Variants in DAPK1 observed in about 807,000 individuals in gnomAD.
DAPK1 encodes death associated protein kinase 1.
In DAPK1, 56 loss-of-function variants were observed where a neutral mutation model predicts 144.9. That is an observed-to-expected ratio of 0.39 (90% CI 0.31 to 0.48). The LOEUF (loss-of-function observed/expected upper bound fraction) is 0.48, where lower values mean the gene tolerates loss of function less well. Among genes scored for constraint, DAPK1 ranks in the 20% least tolerant of loss-of-function variants. The pLI, the probability that DAPK1 is intolerant of heterozygous loss-of-function variation, is 0.95. For synonymous variants in DAPK1, 690 were observed against 749.0 expected (o/e 0.92, Z 1.29); for missense variants, 1,454 against 1,875.4 (o/e 0.78, Z 4.15).
chr9:87,650,681 G>T (rs538970714), intron 16 of DAPK1, among the ~76,000 whole-genome samples: 24 of 152,316 alleles, frequency 1.6e-4, no homozygotes, highest in African/African-American at 5.1e-4. Flanking sequence ...TCTGCCCTTT[G>T]TGAAGTTATT....
chr9:87,650,410 C>T (rs1471815376), intron 16 of DAPK1: 10 of 330,022 alleles, frequency 3.0e-5, no homozygotes, highest in Non-Finnish European at 4.5e-5. Flanking sequence ...TCACTGAATC[C>T]GAGACAATTC....
intron 19 of DAPK1, among the ~76,000 whole-genome samples, chr9:87,681,160 C>G (rs190422223): frequency 6.6e-6 from 1 of 152,046 alleles, no homozygotes; most frequent in African/African-American, 2.4e-5. Context: ...TGCCTGTAAT[C>G]CCAGCTACTC....
chr9:87,624,097 G>T (rs1157485754), intron 3 of DAPK1, among the ~76,000 whole-genome samples: 2 of 152,198 alleles, frequency 1.3e-5, no homozygotes, highest in Non-Finnish European at 1.5e-5. Flanking sequence ...CATTTGTTTT[G>T]ATCACAAATC....
chr9:87,702,096 C>T (rs921472868), intron 24 of DAPK1, among the ~76,000 whole-genome samples: 2 of 152,126 alleles, frequency 1.3e-5, no homozygotes, highest in African/African-American at 4.8e-5. Context: ...TCAGACACCC[C>T]CCGCCCAACC....
chr9:87,525,261 A>T, intron 2 of DAPK1: 1 of 1,466,096 alleles, frequency 6.8e-7, no homozygotes, highest in Non-Finnish European at 9.5e-7. Context: ...TGCGTTGAAT[A>T]GAGCTTCTTG....
chr9:87,587,872 T>C (rs1304789273), intron 2 of DAPK1, among the ~76,000 whole-genome samples: 2 of 152,254 alleles, frequency 1.3e-5, no homozygotes, highest in African/African-American at 4.8e-5. Context: ...GTATGAGCTT[T>C]GGCACATGCC....
At chr9:87,609,976 C>G (rs1828869552) in intron 3 of DAPK1, among the ~76,000 whole-genome samples, 1 of 152,154 alleles carries the variant, frequency 6.6e-6, no homozygotes, top group South Asian at 2.1e-4. Flanking sequence ...AATAAACATC[C>G]CAAACTACCC....
In DAPK1 at chr9:87,611,589, G is replaced by T. The variant is rs373005792; in HGVS notation, c.284+6414G>T. Among the ~76,000 whole-genome samples, 7 of 152,262 alleles carry T rather than the reference G, an allele frequency of 4.6e-5. No homozygotes were observed. The East Asian group carries it at 9.6e-4, about 21-fold the overall frequency. On this transcript the variant is annotated intron_variant, in intron 3 of 25. Coordinates refer to ENST00000408954, the MANE Select transcript of DAPK1 (RefSeq NM_004938.4). ...TTCTCCCACTTCTGCCTCCTGAGTA[G>T]CTGGGATTACAGGTGTGTGGCACCA...
intron 21 of DAPK1, among the ~76,000 whole-genome samples, chr9:87,693,967 G>A (rs942734798): frequency 6.6e-6 from 1 of 152,136 alleles, no homozygotes; most frequent in Non-Finnish European, 1.5e-5. Flanking sequence ...GTGGTGGGCT[G>A]AGCATGCCTG....
chr9:87,626,969 G>A (rs1020445741), intron 3 of DAPK1, among the ~76,000 whole-genome samples: 9 of 152,142 alleles, frequency 5.9e-5, no homozygotes, highest in African/African-American at 1.9e-4. Flanking sequence ...GGCCAGTACT[G>A]GGGAGGAGGG....
chr9:87,519,372 A>G (rs562710228), intron 2 of DAPK1, among the ~76,000 whole-genome samples: 1 of 152,368 alleles, frequency 6.6e-6, no homozygotes, highest in African/African-American at 2.4e-5. Flanking sequence ...GGTGTTTACC[A>G]GTGTCCCCCT....
intron 3 of DAPK1, among the ~76,000 whole-genome samples, chr9:87,607,289 G>A (rs1426762679): frequency 6.6e-6 from 1 of 152,156 alleles, no homozygotes; most frequent in Non-Finnish European, 1.5e-5. Context: ...TTGTCTTTAA[G>A]CCTACATTTC....
At chr9:87,578,585 G>A (rs539514704) in intron 2 of DAPK1, among the ~76,000 whole-genome samples, 2 of 152,286 alleles carry the variant, frequency 1.3e-5, no homozygotes, top group Admixed American at 6.5e-5. Flanking sequence ...GGGTTGTGTT[G>A]TCTTTACTCC....
chr9:87,560,266 G>A (rs376046079), intron 2 of DAPK1, among the ~76,000 whole-genome samples: 7 of 152,150 alleles, frequency 4.6e-5, no homozygotes, highest in African/African-American at 1.7e-4. Flanking sequence ...AAAGTACTGA[G>A]ATTACAGGTG....
chr9:87,524,022 G>A (rs992138079), intron 2 of DAPK1, among the ~76,000 whole-genome samples: 2 of 152,204 alleles, frequency 1.3e-5, no homozygotes, highest in South Asian at 2.1e-4. Flanking sequence ...TTGAAAGATG[G>A]TCTGCAGTAT....
chr9:87,651,264 T>C (rs1205880882), intron 16 of DAPK1, among the ~76,000 whole-genome samples: 1 of 152,198 alleles, frequency 6.6e-6, no homozygotes, highest in Non-Finnish European at 1.5e-5. Flanking sequence ...TTCTATCTGA[T>C]TGTACTGCTG....
chr9:87,590,733 G>A (rs533803881), intron 2 of DAPK1, among the ~76,000 whole-genome samples: 4 of 152,118 alleles, frequency 2.6e-5, no homozygotes, highest in Non-Finnish European at 5.9e-5. Context: ...GAATACAGGC[G>A]TGTACCACAA....
intron 2 of DAPK1, among the ~76,000 whole-genome samples, chr9:87,567,199 C>T (rs1278218967): frequency 2.0e-5 from 3 of 152,176 alleles, no homozygotes; most frequent in Non-Finnish European, 2.9e-5. Flanking sequence ...CCTCTCCTCC[C>T]GTGGTGGCTG....
chr9:87,661,327 C>G (rs1405073409), intron 18 of DAPK1, among the ~76,000 whole-genome samples: 1 of 152,158 alleles, frequency 6.6e-6, no homozygotes, highest in Non-Finnish European at 1.5e-5. Context: ...GGTAGATACC[C>G]AGTAGTAGGG....
Sources: gnomAD v4.1 joint callset for allele counts (sites outside exome capture counted in the v4.1 genomes callset) on GRCh38, gnomAD v4.1.1 for gene constraint, MANE v1.5 for transcripts, NCBI Gene and HGNC (gene_info 2026-07-23, HGNC 2026-07-21) for gene names.